Variants in PABPC4L observed in about 807,000 individuals in gnomAD.
PABPC4L encodes poly(A) binding protein cytoplasmic 4 like.
For missense variants in PABPC4L, 452 were observed against 451.4 expected (o/e 1.00, Z -0.01); for synonymous variants, 169 against 164.1 (o/e 1.03, Z -0.23).
At chr4:133,993,084 A>G in the PABPC4L span, among the ~76,000 whole-genome samples, 3 of 152,128 alleles carry the variant, frequency 2.0e-5, no homozygotes, top group Non-Finnish European at 2.9e-5. Flanking sequence ...TAACATTTAC[A>G]TCCTTCCATA....
At chr4:134,190,232 G>T in the PABPC4L span, among the ~76,000 whole-genome samples, 1 of 151,992 alleles carries the variant, frequency 6.6e-6, no homozygotes, top group Non-Finnish European at 1.5e-5. Flanking sequence ...CTCTAATTTT[G>T]GATATAGTGG....
the PABPC4L span, among the ~76,000 whole-genome samples, chr4:134,168,535 GA>G: frequency 6.6e-6 from 1 of 151,072 alleles, no homozygotes; most frequent in East Asian, 1.9e-4. Flanking sequence ...GAGTAACTAC[GA>G]AAAAAAGAGA....
At chr4:134,039,927 C>G in the PABPC4L span, among the ~76,000 whole-genome samples, 1 of 151,938 alleles carries the variant, frequency 6.6e-6, no homozygotes. Context: ...CAGTAACAGA[C>G]AAACTGAGAG....
the PABPC4L span, among the ~76,000 whole-genome samples, chr4:134,079,852 A>G: frequency 6.6e-6 from 1 of 152,126 alleles, no homozygotes; most frequent in African/African-American, 2.4e-5. Flanking sequence ...TTTTTATAAA[A>G]TGCTTTCTAT....
chr4:134,166,624 C>A, the PABPC4L span, among the ~76,000 whole-genome samples: 43 of 152,048 alleles, frequency 2.8e-4, no homozygotes, highest in Non-Finnish European at 5.6e-4. Flanking sequence ...TCACAGGAGG[C>A]GGCAGATGTA....
At chr4:134,146,101 T>G in the PABPC4L span, among the ~76,000 whole-genome samples, 1 of 151,550 alleles carries the variant, frequency 6.6e-6, no homozygotes, top group Non-Finnish European at 1.5e-5. Context: ...ATTAGTAAAA[T>G]GTACATGTAT....
the PABPC4L span, among the ~76,000 whole-genome samples, chr4:134,006,781 T>C: frequency 6.6e-6 from 1 of 151,876 alleles, no homozygotes; most frequent in African/African-American, 2.4e-5. Context: ...TTACTCATCA[T>C]CTCTCTAAAT....
the PABPC4L span, among the ~76,000 whole-genome samples, chr4:134,098,843 A>C: frequency 4.6e-5 from 7 of 151,752 alleles, no homozygotes; most frequent in Admixed American, 4.6e-4. Flanking sequence ...CTTAAAGCCA[A>C]GTGAAGATTT....
chr4:133,973,110 T>G, the PABPC4L span, among the ~76,000 whole-genome samples: 4 of 152,162 alleles, frequency 2.6e-5, no homozygotes, highest in African/African-American at 9.7e-5. Context: ...CTGCTAAATA[T>G]ATATGACCAA....
the PABPC4L span, among the ~76,000 whole-genome samples, chr4:134,150,790 C>A: frequency 5.1e-3 from 772 of 152,204 alleles, 9 homozygotes; most frequent in African/African-American, 0.018. Flanking sequence ...TAAATCCTCA[C>A]ATAATTGAAG....
At chr4:134,071,858 C>T in the PABPC4L span, among the ~76,000 whole-genome samples, 1 of 152,050 alleles carries the variant, frequency 6.6e-6, no homozygotes, top group Non-Finnish European at 1.5e-5. Context: ...TTTATAGTTG[C>T]CTGTTTGTCT....
chr4:134,111,334 T>C, the PABPC4L span, among the ~76,000 whole-genome samples: 1 of 152,004 alleles, frequency 6.6e-6, no homozygotes, highest in African/African-American at 2.4e-5. Context: ...TATTTCAACA[T>C]TTTTCAAATG....
At chr4:134,109,459 TATGAAATAAGAAGAA>T in the PABPC4L span, among the ~76,000 whole-genome samples, 1 of 151,618 alleles carries the variant, frequency 6.6e-6, no homozygotes, top group South Asian at 2.1e-4. Flanking sequence ...GGTGATACAA[TATGAAATAAGAAGAA>T]GTGAAATAAA....
chr4:134,035,778 T>C, the PABPC4L span, among the ~76,000 whole-genome samples: 2 of 152,040 alleles, frequency 1.3e-5, no homozygotes, highest in South Asian at 4.1e-4. Context: ...TATATGATGG[T>C]TGAAATGATC....
the PABPC4L span, among the ~76,000 whole-genome samples, chr4:134,032,887 G>A: frequency 2.0e-5 from 3 of 151,794 alleles, no homozygotes; most frequent in Admixed American, 6.6e-5. Flanking sequence ...CATTACTGTC[G>A]TGTACAATTT....
the PABPC4L span, among the ~76,000 whole-genome samples, chr4:133,995,330 T>C: frequency 6.6e-6 from 1 of 152,118 alleles, no homozygotes; most frequent in African/African-American, 2.4e-5. Context: ...CTTTTCACCT[T>C]AGGAGGCTTT....
At chr4:134,001,353 T>C in the PABPC4L span, among the ~76,000 whole-genome samples, 1,032 of 152,034 alleles carry the variant, frequency 6.8e-3, 13 homozygotes, top group African/African-American at 0.024. Context: ...TACATTATCC[T>C]ACACTGCTCA....
the PABPC4L span, among the ~76,000 whole-genome samples, chr4:133,991,261 G>A: frequency 6.6e-6 from 1 of 152,092 alleles, no homozygotes; most frequent in Non-Finnish European, 1.5e-5. Flanking sequence ...TATAGACTAT[G>A]GCATTTAGGG....
At chr4:134,083,933 T>C in the PABPC4L span, among the ~76,000 whole-genome samples, 2 of 152,214 alleles carry the variant, frequency 1.3e-5, no homozygotes, top group African/African-American at 2.4e-5. Context: ...TGTACATTTA[T>C]TAAAGTGTGA....
Sources: allele counts gnomAD v4.1 joint callset (sites outside exome capture counted in the v4.1 genomes callset), GRCh38; gene constraint gnomAD v4.1.1; transcripts MANE v1.5; gene names NCBI Gene and HGNC (gene_info 2026-07-23, HGNC 2026-07-21).